The following CAST variants were observed in gnomAD, a reference collection of about 807,000 sequenced individuals.
CAST encodes the protein MIR583 host.
A neutral mutation model predicts 119.6 loss-of-function variants in CAST; 76 were observed. That is an observed-to-expected ratio of 0.64 (90% CI 0.53 to 0.77). CAST has a LOEUF of 0.77. CAST is among the 30% of genes least tolerant of loss of function. The pLI is 0.00. For missense variants in CAST, 953 were observed against 946.5 expected (o/e 1.01, Z -0.09); for synonymous variants, 319 against 331.6 (o/e 0.96, Z 0.41).
At chr5:96,209,530 T>C in the CAST span, among the ~76,000 whole-genome samples, 29 of 151,986 alleles carry the variant, frequency 1.9e-4, no homozygotes, top group African/African-American at 4.8e-5. Flanking sequence ...ATTCCTTTAG[T>C]GTTTGCTTGT....
rs906375720 is a variant in CAST at position 96,573,971 on chromosome 5, T to C, written c.60+44091T>C. Among the ~76,000 whole-genome samples, 22 of 152,180 alleles carry C rather than the reference T, an allele frequency of 1.4e-4. 1 individual carries two copies. The highest frequency in any genetic ancestry group is 1.2e-3 in the Admixed American group (18 of 15,276). Reference sequence around the variant, plus strand: ...GATTCATTTTTATTGCTACGTAGTATTCCATTGGAAATACACCAAATTTGT... The same window carrying C: ...GATTCATTTTTATTGCTACGTAGTACTCCATTGGAAATACACCAAATTTGT... On this transcript the variant is annotated intron_variant, in intron 1 of 11. Transcript: ENST00000505143.
At chr5:96,178,764 G>A in the CAST span, among the ~76,000 whole-genome samples, 1 of 152,216 alleles carries the variant, frequency 6.6e-6, no homozygotes, top group Non-Finnish European at 1.5e-5. Flanking sequence ...GGTGGAGATA[G>A]ACAATCCCAG....
Position 96,741,569 on chromosome 5 carries a change from A to C in CAST, c.1087A>C (p.Lys363Gln). 1.9e-6 allele frequency: 3 copies of C among 1,610,706 alleles called. No homozygotes were observed. The highest frequency in any genetic ancestry group is 2.5e-6 in the Non-Finnish European group (3 of 1,176,972). The change falls in exon 15 of 32, where the codon AAG (lysine) becomes CAG (glutamine). Residue 363 changes from lysine (K) to glutamine (Q), a missense_variant. By Grantham distance (53) the Lys-to-Gln change is moderately conservative. Coordinates refer to ENST00000675179, the MANE Select transcript of CAST (RefSeq NM_001750.7). Reference sequence around the variant, plus strand: ...TGCTCCACCCCAAGAGAAGAAAAGAAAGGTGGAGAAGGTATAGTCACAGTC... The same window carrying C: ...TGCTCCACCCCAAGAGAAGAAAAGACAGGTGGAGAAGGTATAGTCACAGTC... ...SAAPPQEKKRKVEKDTMSDQA... is the reference protein window; with the variant it reads ...SAAPPQEKKRQVEKDTMSDQA...
At chr5:96,380,496 T>C in the CAST span, among the ~76,000 whole-genome samples, 3 of 152,272 alleles carry the variant, frequency 2.0e-5, no homozygotes, top group African/African-American at 4.8e-5. Flanking sequence ...TCGAACATCA[T>C]TTTTACTTGA....
At chr5:96,149,410 G>C in the CAST span, among the ~76,000 whole-genome samples, 1 of 152,182 alleles carries the variant, frequency 6.6e-6, no homozygotes, top group African/African-American at 2.4e-5. Context: ...CACTTGGTCT[G>C]TTTGTCATGG....
At chr5:96,164,699 G>C in the CAST span, among the ~76,000 whole-genome samples, 2 of 152,234 alleles carry the variant, frequency 1.3e-5, no homozygotes, top group African/African-American at 4.8e-5. Flanking sequence ...GAGTACAGAA[G>C]GGAAGCGTGC....
At chr5:96,569,582 G>A (rs1271816848) in intron 1 of CAST, among the ~76,000 whole-genome samples, 1 of 152,066 alleles carries the variant, frequency 6.6e-6, no homozygotes, top group Non-Finnish European at 1.5e-5. Flanking sequence ...ATTACACCCT[G>A]TCAATTTCCA....
At chr5:96,209,945 C>T in the CAST span, among the ~76,000 whole-genome samples, 1 of 151,646 alleles carries the variant, frequency 6.6e-6, no homozygotes, top group Non-Finnish European at 1.5e-5. Flanking sequence ...TATTTTCTCT[C>T]TCTCTTTCAG....
chr5:96,387,766 G>T, the CAST span, among the ~76,000 whole-genome samples: 1 of 152,132 alleles, frequency 6.6e-6, no homozygotes, highest in Non-Finnish European at 1.5e-5. Flanking sequence ...TAGGAGAAGT[G>T]ATGATGCAAG....
At chr5:96,604,642 G>C (rs915671424) in intron 1 of CAST, among the ~76,000 whole-genome samples, 1 of 152,204 alleles carries the variant, frequency 6.6e-6, no homozygotes, top group African/African-American at 2.4e-5. Flanking sequence ...AAAGGAATAT[G>C]GAATGATTGT....
intron 1 of CAST, among the ~76,000 whole-genome samples, chr5:96,670,459 T>G (rs576304395): frequency 6.6e-6 from 1 of 152,340 alleles, no homozygotes; most frequent in Non-Finnish European, 1.5e-5. Flanking sequence ...GCTGCTTTTC[T>G]GTCTTCTTGC....
the CAST span, among the ~76,000 whole-genome samples, chr5:96,099,860 A>T: frequency 6.6e-6 from 1 of 152,202 alleles, no homozygotes; most frequent in Non-Finnish European, 1.5e-5. Context: ...GTTAGAAAGG[A>T]GTCCCTCCTC....
the CAST span, among the ~76,000 whole-genome samples, chr5:96,440,504 G>A: frequency 6.6e-6 from 1 of 152,132 alleles, no homozygotes; most frequent in Non-Finnish European, 1.5e-5. Context: ...TACATGCCAA[G>A]GAGAGGAGCA....
chr5:96,645,899 TA>T (rs981850501), intron 1 of CAST, among the ~76,000 whole-genome samples: 2 of 151,352 alleles, frequency 1.3e-5, no homozygotes, highest in African/African-American at 4.8e-5. Flanking sequence ...AATAATAATT[TA>T]AAAATCTATA....
the CAST span, among the ~76,000 whole-genome samples, chr5:96,378,162 G>A: frequency 6.6e-6 from 1 of 152,060 alleles, no homozygotes; most frequent in African/African-American, 2.4e-5. Context: ...ATAGGAAGGG[G>A]GAAAGTGGGA....
the CAST span, among the ~76,000 whole-genome samples, chr5:96,323,201 C>A: frequency 6.6e-6 from 1 of 152,208 alleles, no homozygotes; most frequent in Non-Finnish European, 1.5e-5. Flanking sequence ...TCCCAGCAAG[C>A]AGCTGTCTGT....
the CAST span, among the ~76,000 whole-genome samples, chr5:96,140,078 T>C: frequency 6.6e-6 from 1 of 152,224 alleles, no homozygotes; most frequent in Admixed American, 6.5e-5. Context: ...TGATGATGGC[T>C]GTTCTTCTTT....
chr5:96,112,088 TG>T, the CAST span, among the ~76,000 whole-genome samples: 1 of 151,614 alleles, frequency 6.6e-6, no homozygotes, highest in Non-Finnish European at 1.5e-5. Context: ...ATAAGAAAAA[TG>T]GACTCAATTA....
At chr5:96,314,188 A>G in the CAST span, among the ~76,000 whole-genome samples, 13 of 152,172 alleles carry the variant, frequency 8.5e-5, no homozygotes, top group Non-Finnish European at 1.9e-4. Flanking sequence ...AAAACTGAAA[A>G]CTTGTAAATT....
Sources: allele counts gnomAD v4.1 joint callset (sites outside exome capture counted in the v4.1 genomes callset), GRCh38; gene constraint gnomAD v4.1.1; transcripts MANE v1.5; gene names NCBI Gene and HGNC (gene_info 2026-07-23, HGNC 2026-07-21).